Variants in RNLS observed in about 807,000 individuals in gnomAD.
The protein encoded by RNLS is renalase, FAD dependent amine oxidase.
Under a neutral mutation model 39.8 loss-of-function variants are expected in RNLS, and 39 were observed. That is an observed-to-expected ratio of 0.98 (90% CI 0.76 to 1.28). The LOEUF (loss-of-function observed/expected upper bound fraction) is 1.28. Ranked by LOEUF, RNLS falls within the 50% of genes most tolerant of loss-of-function variation. The probability of loss-of-function intolerance (pLI) is 0.00; values close to 1 mark genes in which losing one functional copy is unlikely to be tolerated. For synonymous variants in RNLS, 147 were observed against 150.7 expected, an observed-to-expected ratio of 0.98 and a Z score of 0.18; for missense variants, 410 against 413.3, an observed-to-expected ratio of 0.99 and a Z score of 0.07.
At chr10:88,326,893 C>G (rs536641920) in intron 5 of RNLS, among the ~76,000 whole-genome samples, 1 of 152,198 alleles carries the variant, frequency 6.6e-6, no homozygotes, top group East Asian at 1.9e-4. Flanking sequence ...TCAGTGTGAC[C>G]TGGATGTGAG....
the RNLS span, among the ~76,000 whole-genome samples, chr10:88,212,509 C>T: frequency 6.6e-6 from 1 of 152,174 alleles, no homozygotes; most frequent in Non-Finnish European, 1.5e-5. Flanking sequence ...TCCATTTGCT[C>T]ATACTTTTAA....
At chr10:88,315,590 AC>A (rs1440736050) in intron 5 of RNLS, among the ~76,000 whole-genome samples, 1 of 152,204 alleles carries the variant, frequency 6.6e-6, no homozygotes, top group Non-Finnish European at 1.5e-5. Context: ...GAGATGTCAA[AC>A]CTGATTCTGG....
At chr10:88,514,549 C>T (rs1846307936) in intron 4 of RNLS, among the ~76,000 whole-genome samples, 2 of 152,118 alleles carry the variant, frequency 1.3e-5, no homozygotes, top group African/African-American at 4.8e-5. Context: ...ATTTTATACA[C>T]ACTGAACAGT....
chr10:88,243,742 T>G, the RNLS span, among the ~76,000 whole-genome samples: 1 of 152,244 alleles, frequency 6.6e-6, no homozygotes, highest in Non-Finnish European at 1.5e-5. Flanking sequence ...CCAGCAGCTC[T>G]TTAACGGACA....
chr10:88,470,058 A>G (rs1404774275), intron 4 of RNLS, among the ~76,000 whole-genome samples: 2 of 152,092 alleles, frequency 1.3e-5, no homozygotes, highest in African/African-American at 4.8e-5. Context: ...AGTATTTCTA[A>G]CATATATTAA....
intron 4 of RNLS, among the ~76,000 whole-genome samples, chr10:88,540,638 A>G (rs1847988133): frequency 6.6e-6 from 1 of 152,138 alleles, no homozygotes; most frequent in Non-Finnish European, 1.5e-5. Context: ...AGTGGCTTCA[A>G]GTTCCCAAAT....
intron 4 of RNLS, among the ~76,000 whole-genome samples, chr10:88,475,143 CT>C (rs984216049): frequency 1.3e-5 from 2 of 152,150 alleles, no homozygotes; most frequent in African/African-American, 4.8e-5. Context: ...CAGGGCAGCC[CT>C]GGCATTCACT....
intron 4 of RNLS, among the ~76,000 whole-genome samples, chr10:88,504,736 A>T (rs912677678): frequency 6.6e-6 from 1 of 152,056 alleles, no homozygotes; most frequent in African/African-American, 2.4e-5. Context: ...AATAATTGTA[A>T]GAAAATCTAA....
intron 4 of RNLS, among the ~76,000 whole-genome samples, chr10:88,400,743 C>A (rs73358871): frequency 6.6e-6 from 1 of 151,966 alleles, no homozygotes; most frequent in African/African-American, 2.4e-5. Flanking sequence ...TTTAAGTACC[C>A]AAGCATCAGG....
chr10:88,366,662 T>TG (rs1461810252), intron 4 of RNLS, among the ~76,000 whole-genome samples: 6 of 32,248 alleles, frequency 1.9e-4, no homozygotes, highest in African/African-American at 9.1e-4. Flanking sequence ...GTAAGTTTTC[T>TG]GAAAAAAAAA....
chr10:88,520,073 G>A lies in RNLS; in HGVS notation c.526+52830C>T, dbSNP rs551589030. Among the ~76,000 whole-genome samples, 3 of 152,084 alleles carry A rather than the reference G, an allele frequency of 2.0e-5. No homozygotes were observed. The South Asian group carries it at 6.2e-4, about 32-fold the overall frequency. ...GAAGTTACTCTGTGTTGCATGAAAA[G>A]TGGACAGCTGTCTGGAAGTGCCTCA... On this transcript the variant is annotated intron_variant, in intron 4 of 6. Coordinates refer to ENST00000331772, the MANE Select transcript of RNLS (RefSeq NM_001031709.3).
chr10:88,294,530 T>C (rs1012082968), intron 6 of RNLS, among the ~76,000 whole-genome samples: 1 of 152,168 alleles, frequency 6.6e-6, no homozygotes, highest in African/African-American at 2.4e-5. Context: ...AGGGGTGTAT[T>C]TACCCTTAAC....
chr10:88,344,597 A>ATAGTATTTTATT (rs1443871071), intron 5 of RNLS, among the ~76,000 whole-genome samples: 1 of 152,172 alleles, frequency 6.6e-6, no homozygotes, highest in Non-Finnish European at 1.5e-5. Context: ...GAATACAGTA[A>ATAGTATTTTATT]ACAAATAGGC....
intron 4 of RNLS, among the ~76,000 whole-genome samples, chr10:88,537,507 TAC>T (rs1292311553): frequency 1.3e-5 from 2 of 152,216 alleles, no homozygotes; most frequent in Non-Finnish European, 2.9e-5. Context: ...TACCATGTGG[TAC>T]TGCACAGCAG....
chr10:88,362,507 C>G (rs1288410099), intron 5 of RNLS, 45 bp downstream of exon 5: 7 of 1,544,304 alleles, frequency 4.5e-6, no homozygotes, highest in Non-Finnish European at 6.2e-6. Context: ...ATGATCTACA[C>G]CCACCATTGT....
chr10:88,470,847 C>T (rs975776144), intron 4 of RNLS, among the ~76,000 whole-genome samples: 1 of 152,078 alleles, frequency 6.6e-6, no homozygotes, highest in African/African-American at 2.4e-5. Flanking sequence ...AACTCCTGAC[C>T]TTGTGATCCA....
chr10:88,472,137 T>G (rs1468052671), intron 4 of RNLS, among the ~76,000 whole-genome samples: 4 of 152,144 alleles, frequency 2.6e-5, no homozygotes, highest in Non-Finnish European at 5.9e-5. Context: ...GTGCAGGATT[T>G]GAATAACCCA....
chr10:88,379,923 C>A (rs1851314473), intron 4 of RNLS, among the ~76,000 whole-genome samples: 1 of 152,146 alleles, frequency 6.6e-6, no homozygotes. Flanking sequence ...AGGTATCAGC[C>A]CCCCGCTGTC....
Position 88,300,823 on chromosome 10 carries a change from A to G in RNLS, c.876+13643T>C, listed in dbSNP as rs569232048. ...AATTTATAATCTGGATATGACTACT[A>G]AACTTTTTTTGTTTGTTAGTTTTAT... On this transcript the variant is annotated intron_variant, in intron 6 of 6. Transcript: ENST00000331772. Among the ~76,000 whole-genome samples the G allele has an allele frequency of 5.3e-5, 8 of 152,338 alleles. 1 individual carries two copies. In the South Asian group the frequency reaches 1.7e-3, roughly 32 times the overall value.
Sources: gnomAD v4.1 joint callset for allele counts (sites outside exome capture counted in the v4.1 genomes callset) on GRCh38, gnomAD v4.1.1 for gene constraint, MANE v1.5 for transcripts, NCBI Gene and HGNC (gene_info 2026-07-23, HGNC 2026-07-21) for gene names.